DNAH6: variants seen among roughly 807,000 people sequenced by gnomAD.
DNAH6 encodes the protein dynein axonemal heavy chain 6.
In DNAH6, 340 loss-of-function variants were observed where a neutral mutation model predicts 491.4. The ratio of observed to expected loss-of-function variants is 0.69; its 90% CI spans 0.63 to 0.76. DNAH6 has a LOEUF of 0.76. Among genes scored for constraint, DNAH6 ranks in the 30% least tolerant of loss-of-function variants. The pLI is 0.00. For missense variants in DNAH6, 4,443 were observed against 4,972.2 expected, an observed-to-expected ratio of 0.89 and a Z score of 3.20; for synonymous variants, 1,603 against 1,686.1, an observed-to-expected ratio of 0.95 and a Z score of 1.21.
At chr2:84,702,358 C>T (rs1302344454) in intron 49 of DNAH6, among the ~76,000 whole-genome samples, 1 of 152,120 alleles carries the variant, frequency 6.6e-6, no homozygotes, top group Non-Finnish European at 1.5e-5. Context: ...AAAATAGAAG[C>T]TGCTGTCATC....
intron 41 of DNAH6, 86 bp from the exon 42 acceptor site, chr2:84,681,271 G>T: frequency 1.6e-6 from 2 of 1,215,042 alleles, no homozygotes; most frequent in Non-Finnish European, 2.2e-6. Flanking sequence ...TCTATTATTA[G>T]AAAACGTTAT....
intron 11 of DNAH6, among the ~76,000 whole-genome samples, chr2:84,566,336 C>A (rs1287472899): frequency 1.3e-5 from 2 of 151,954 alleles, no homozygotes; most frequent in African/African-American, 4.8e-5. Flanking sequence ...ATAGAAAATA[C>A]TTCTTTCATA....
At position 84,727,755 on chromosome 2, in the gene DNAH6, T is replaced by A; in HGVS notation, c.10059T>A (p.Thr3353=). The part of the protein sequence containing the change: ...LDVLLEQTLL[T]AYVNVSRGLF... Reference sequence around the variant, plus strand: ...TACTACTAGAACAAACTCTCCTAACTGCTTATGTCAATGTTTCAAGAGGAC... The same window carrying A: ...TACTACTAGAACAAACTCTCCTAACAGCTTATGTCAATGTTTCAAGAGGAC... The change falls in exon 61 of 77, where the codon ACT becomes ACA. Residue 3353 remains threonine, a synonymous_variant. Transcript: ENST00000389394. 6 of 1,551,494 alleles carry A rather than the reference T, an allele frequency of 3.9e-6. No individual in the cohort carries two copies. Among genetic ancestry groups the A allele is most frequent in the Non-Finnish European group, 4.4e-6 (5 of 1,146,782 alleles).
At chr2:84,787,630 A>G (rs951304975) in intron 68 of DNAH6, among the ~76,000 whole-genome samples, 9 of 152,160 alleles carry the variant, frequency 5.9e-5, no homozygotes, top group African/African-American at 2.2e-4. Flanking sequence ...TGTGAGGACT[A>G]TTATTATCAC....
At chr2:84,473,735 AG>A in the DNAH6 span, among the ~76,000 whole-genome samples, 3 of 152,216 alleles carry the variant, frequency 2.0e-5, no homozygotes, top group Non-Finnish European at 4.4e-5. Context: ...GAGGCTTAAT[AG>A]CACTTTGTTC....
intron 69 of DNAH6, 139 bp from the exon 70 acceptor site, chr2:84,797,398 G>C (rs1678457053): frequency 1.3e-6 from 1 of 748,654 alleles, no homozygotes; most frequent in Non-Finnish European, 2.1e-6. Context: ...AAGCATGAAA[G>C]CTTAGGAAAA....
chr2:84,777,593 C>T (rs1676265467), intron 64 of DNAH6: 2 of 800,364 alleles, frequency 2.5e-6, no homozygotes, highest in Non-Finnish European at 4.5e-6. Flanking sequence ...TGTATCAGTC[C>T]CTAAATCTGG....
intron 18 of DNAH6, among the ~76,000 whole-genome samples, chr2:84,598,188 T>TTTCTTTCTTTCTTTCTTTCTTTTC (rs1553438141): frequency 1.5e-5 from 2 of 132,860 alleles, no homozygotes; most frequent in African/African-American, 3.0e-5. Context: ...TCTCTCTTTC[T>TTTCTTTCTTTCTTTCTTTCTTTTC]TTTCTTTCTT....
intron 37 of DNAH6, among the ~76,000 whole-genome samples, chr2:84,668,813 T>C (rs1413371341): frequency 1.4e-4 from 4 of 28,856 alleles, no homozygotes; most frequent in Admixed American, 1.2e-3. Flanking sequence ...CATCCCTCTG[T>C]GTGTGTGTGT....
chr2:84,525,302 C>G (rs1676507790), intron 2 of DNAH6, among the ~76,000 whole-genome samples: 1 of 151,944 alleles, frequency 6.6e-6, no homozygotes, highest in Non-Finnish European at 1.5e-5. Flanking sequence ...ACTTCTGAGC[C>G]TTTTCTGTTG....
intron 62 of DNAH6, among the ~76,000 whole-genome samples, chr2:84,734,041 C>T (rs867392140): frequency 2.0e-5 from 3 of 152,006 alleles, no homozygotes; most frequent in African/African-American, 4.8e-5. Flanking sequence ...TATTCTCTCT[C>T]GCTTCTCTCT....
the DNAH6 span, among the ~76,000 whole-genome samples, chr2:84,468,704 G>A: frequency 2.0e-5 from 3 of 152,230 alleles, no homozygotes; most frequent in South Asian, 6.2e-4. Context: ...ACCTTGGCTA[G>A]TGAGCTACAG....
At chr2:84,709,846 T>G (rs1696866562) in intron 55 of DNAH6, among the ~76,000 whole-genome samples, 2 of 152,220 alleles carry the variant, frequency 1.3e-5, no homozygotes, top group African/African-American at 4.8e-5. Flanking sequence ...TTCATTCTTC[T>G]GTAGTCCTTG....
rs72832550 is a variant in DNAH6 at position 84,733,470 on chromosome 2, C to G, written c.10233C>G (p.Pro3411=). The change falls in exon 62 of 77, where the codon CCC becomes CCG. Residue 3411 remains proline (P), a synonymous_variant. Coordinates refer to ENST00000389394, the MANE Select transcript of DNAH6 (RefSeq NM_001370.2). The stretch of plus-strand genomic sequence containing the variant: ...AACGCCCACCTAAGCCTGAAGCTCC[C>G]TGGCTACCTACTGCTACATGGTTCG... ...EKERPPKPEA[P]WLPTATWFAC... 3,833 of 1,551,420 alleles carry G rather than the reference C, an allele frequency of 2.5e-3. 10 individuals carry two copies. The highest frequency in any genetic ancestry group is 2.9e-3 in the Non-Finnish European group (3,366 of 1,146,764).
At chr2:84,606,074 G>A (rs1685731379) in intron 20 of DNAH6, among the ~76,000 whole-genome samples, 1 of 152,176 alleles carries the variant, frequency 6.6e-6, no homozygotes, top group Admixed American at 6.6e-5. Flanking sequence ...CAATGGCCAC[G>A]CTCTGTCAAC....
chr2:84,519,082 G>A (rs987307488), intron 2 of DNAH6, among the ~76,000 whole-genome samples: 1 of 152,042 alleles, frequency 6.6e-6, no homozygotes, highest in African/African-American at 2.4e-5. Flanking sequence ...GACTATGGTA[G>A]AGACTCAGAA....
intron 59 of DNAH6, 111 bp downstream of exon 59, chr2:84,718,495 G>A: frequency 2.3e-6 from 2 of 867,182 alleles, no homozygotes; most frequent in Non-Finnish European, 3.3e-6. Context: ...GCCACACTGG[G>A]CTTCCATGGA....
chr2:84,813,142 T>G lies in DNAH6; in HGVS notation c.11998+12T>G. The G allele has an allele frequency of 1.3e-6, 2 of 1,543,580 alleles. No individual in the cohort carries two copies. The highest frequency in any genetic ancestry group is 1.8e-6 in the Non-Finnish European group (2 of 1,140,032). On this transcript the variant is annotated intron_variant, in intron 74 of 76. Transcript: ENST00000389394. ...AGGATTTCTAACAGGTACCAGCGCT[T>G]TCTAGAAAAACCCCATAGGAATGGC...
the DNAH6 span, chr2:84,460,100 T>G: frequency 6.6e-6 from 1 of 152,202 alleles, no homozygotes; most frequent in African/African-American, 2.4e-5. Context: ...AAACAAGAGA[T>G]GAAGTAATCT....
Sources: gnomAD v4.1 joint callset for allele counts (sites outside exome capture counted in the v4.1 genomes callset) on GRCh38, gnomAD v4.1.1 for gene constraint, MANE v1.5 for transcripts, NCBI Gene and HGNC (gene_info 2026-07-23, HGNC 2026-07-21) for gene names.